DOCK9: variants seen among roughly 807,000 people sequenced by gnomAD.
DOCK9 encodes dedicator of cytokinesis protein 9.
A neutral mutation model predicts 263.3 loss-of-function variants in DOCK9; 89 were observed. The observed-to-expected ratio is 0.34, with a 90% CI of 0.28 to 0.40. The LOEUF (loss-of-function observed/expected upper bound fraction) is 0.40, where lower values mean the gene tolerates loss of function less well. Among genes scored for constraint, DOCK9 ranks in the 10% least tolerant of loss-of-function variants. The pLI is 1.00. For synonymous variants in DOCK9, 976 were observed against 973.1 expected (o/e 1.00, Z -0.06); for missense variants, 2,140 against 2,603.4 (o/e 0.82, Z 3.87).
At chr13:99,077,973 T>C (rs1245371888) in intron 1 of DOCK9, among the ~76,000 whole-genome samples, 1 of 152,088 alleles carries the variant, frequency 6.6e-6, no homozygotes, top group East Asian at 1.9e-4. Context: ...GGTTCTTGAA[T>C]GAGGAAGGCA....
chr13:98,932,452 T>G (rs968227101), intron 2 of DOCK9, among the ~76,000 whole-genome samples: 2 of 152,104 alleles, frequency 1.3e-5, no homozygotes, highest in African/African-American at 2.4e-5. Flanking sequence ...ATCATAGTCA[T>G]TAAAGCAGCA....
At chr13:98,901,381 G>C (rs2048255806) in intron 13 of DOCK9, among the ~76,000 whole-genome samples, 1 of 152,202 alleles carries the variant, frequency 6.6e-6, no homozygotes, top group African/African-American at 2.4e-5. Context: ...TCTGAGCCAA[G>C]GGCATCTCCT....
At chr13:98,845,427 A>G in intron 38 of DOCK9, 9 of 1,222,790 alleles carry the variant, frequency 7.4e-6, no homozygotes, top group Non-Finnish European at 7.7e-6. Context: ...CACCCTCACA[A>G]ATTGATTCAT....
At chr13:98,984,092 A>G (rs1259708332) in intron 1 of DOCK9, among the ~76,000 whole-genome samples, 1 of 152,222 alleles carries the variant, frequency 6.6e-6, no homozygotes, top group Admixed American at 6.5e-5. Context: ...TTTCCTAAAG[A>G]AAGGCCAAGG....
At chr13:98,794,989 C>T (rs1161163310) in intron 52 of DOCK9, among the ~76,000 whole-genome samples, 2 of 152,218 alleles carry the variant, frequency 1.3e-5, no homozygotes, top group Non-Finnish European at 2.9e-5. Flanking sequence ...TGATGTGCAG[C>T]CGGAAAGCCT....
intron 38 of DOCK9, among the ~76,000 whole-genome samples, chr13:98,838,804 A>C (rs1210626154): frequency 2.0e-5 from 3 of 152,234 alleles, no homozygotes; most frequent in Non-Finnish European, 4.4e-5. Context: ...CTCATTACTT[A>C]AGTAATTTTC....
chr13:98,893,101 G>A (rs958372066), intron 15 of DOCK9, among the ~76,000 whole-genome samples: 1 of 152,218 alleles, frequency 6.6e-6, no homozygotes, highest in African/African-American at 2.4e-5. Flanking sequence ...AATTTGGGCA[G>A]AGAGAAAAGC....
chr13:99,024,648 T>C (rs142456994), intron 1 of DOCK9, among the ~76,000 whole-genome samples: 5 of 152,304 alleles, frequency 3.3e-5, no homozygotes, highest in Non-Finnish European at 7.4e-5. Context: ...TGTCTCAACA[T>C]GAAGAAATAT....
At chr13:98,802,156 G>T (rs770870539) in intron 49 of DOCK9, among the ~76,000 whole-genome samples, 6 of 152,116 alleles carry the variant, frequency 3.9e-5, no homozygotes, top group African/African-American at 7.2e-5. Context: ...TCAACTCCAG[G>T]TTCCCAGTCT....
intron 1 of DOCK9, among the ~76,000 whole-genome samples, chr13:99,035,947 G>A (rs1204540632): frequency 2.6e-5 from 4 of 152,134 alleles, no homozygotes; most frequent in Non-Finnish European, 5.9e-5. Context: ...TCCTGTGGAA[G>A]AAGAAATTCG....
At chr13:98,840,433 C>T (rs1211203809) in intron 38 of DOCK9, among the ~76,000 whole-genome samples, 2 of 152,134 alleles carry the variant, frequency 1.3e-5, no homozygotes, top group Non-Finnish European at 2.9e-5. Flanking sequence ...TACGGTCCTT[C>T]GGATTCACTG....
intron 22 of DOCK9, 76 bp from the exon 23 acceptor site, chr13:98,883,207 T>C: frequency 2.3e-6 from 3 of 1,278,978 alleles, no homozygotes. Flanking sequence ...ATTTGTTTCT[T>C]GCAGCATGCT....
At chr13:98,981,340 A>G (rs550453450), upstream of DOCK9, among the ~76,000 whole-genome samples, 49 of 152,326 alleles carry the variant, frequency 3.2e-4, 1 homozygote, top group Admixed American at 3.1e-3. Flanking sequence ...TATAGATGTG[A>G]GCTACCATGC....
At chr13:98,902,561 G>C in intron 11 of DOCK9, 70 bp from the exon 12 acceptor site, 4 of 1,464,830 alleles carry the variant, frequency 2.7e-6, no homozygotes, top group Non-Finnish European at 3.7e-6. Context: ...GCTATCAAAA[G>C]AGAAATGACA....
At chr13:98,827,795 G>A (rs1170324535) in intron 43 of DOCK9, among the ~76,000 whole-genome samples, 4 of 152,174 alleles carry the variant, frequency 2.6e-5, no homozygotes, top group African/African-American at 9.7e-5. Flanking sequence ...GTACATGACG[G>A]GTTACTGAGC....
intron 2 of DOCK9, among the ~76,000 whole-genome samples, chr13:98,943,217 A>T (rs1472899819): frequency 6.6e-6 from 1 of 152,256 alleles, no homozygotes; most frequent in Non-Finnish European, 1.5e-5. Flanking sequence ...ATATAATGCT[A>T]AGCAGATGGG....
At chr13:98,963,181 G>T (rs1464074853) in intron 1 of DOCK9, among the ~76,000 whole-genome samples, 3 of 152,104 alleles carry the variant, frequency 2.0e-5, no homozygotes, top group Non-Finnish European at 4.4e-5. Context: ...CTCCCATGGG[G>T]GCCAGAAAGC....
In DOCK9 at chr13:98,862,691, GAA is replaced by G. The variant is rs34466160; in HGVS notation, c.3579+326_3579+327del. On this transcript the variant is annotated intron_variant, in intron 32 of 52. Transcript: ENST00000682017. ...GCAACAGAGCAAGACTTATCTTGGG[GAA>G]AAAAAAAAAAATGAAGAGAGGGACA... 5.0e-3 allele frequency among the ~76,000 whole-genome samples: 724 copies of G among 145,994 alleles called. 3 individuals are homozygous for G. The highest frequency in any genetic ancestry group is 0.015 in the African/African-American group (609 of 39,674).
intron 1 of DOCK9, among the ~76,000 whole-genome samples, chr13:99,003,832 G>A (rs550087064): frequency 8.4e-4 from 128 of 152,250 alleles, no homozygotes; most frequent in Admixed American, 2.1e-3. Context: ...TGCAGGATAA[G>A]TACAGTATGA....
Sources: allele counts gnomAD v4.1 joint callset (sites outside exome capture counted in the v4.1 genomes callset), GRCh38; gene constraint gnomAD v4.1.1; transcripts MANE v1.5; gene names NCBI Gene and HGNC (gene_info 2026-07-23, HGNC 2026-07-21).